LYZL4: variants seen among roughly 807,000 people sequenced by gnomAD.
The protein encoded by LYZL4 is lysozyme-like protein 4.
Under a neutral mutation model 17.6 loss-of-function variants are expected in LYZL4, and 13 were observed. The ratio of observed to expected loss-of-function variants is 0.74; its 90% CI spans 0.48 to 1.18. LYZL4 has a LOEUF of 1.18. Among genes scored for constraint, LYZL4 ranks in the 50% most tolerant of loss-of-function variants. The pLI, the probability that LYZL4 is intolerant of heterozygous loss-of-function variation, is 0.00. For missense variants in LYZL4, 174 were observed against 188.2 expected (o/e 0.92, Z 0.44); for synonymous variants, 64 against 67.7 (o/e 0.95, Z 0.27).
intron 3 of LYZL4, among the ~76,000 whole-genome samples, chr3:42,406,211 T>C (rs1698745112): frequency 1.3e-5 from 2 of 151,954 alleles, no homozygotes; most frequent in Admixed American, 1.3e-4. Context: ...CCTAGCACTT[T>C]GGGAGGCCGA....
rs184704190 is a variant in LYZL4 at position 42,402,194 on chromosome 3, T to C, written c.371+1852A>G. ...GGTGACATGTGCCTGTTGTCCTCACTACTCGGGAGGCTGAGGCAGGAGGAT... is the reference window on the plus strand; with the variant it reads ...GGTGACATGTGCCTGTTGTCCTCACCACTCGGGAGGCTGAGGCAGGAGGAT... On this transcript the variant is annotated intron_variant, in intron 4 of 4. Coordinates refer to ENST00000287748, the MANE Select transcript of LYZL4 (RefSeq NM_144634.4). Among the ~76,000 whole-genome samples, 506 of 148,312 alleles carry C rather than the reference T, an allele frequency of 3.4e-3. 3 individuals are homozygous for C. Among genetic ancestry groups the C allele is most frequent in the African/African-American group, 0.012 (474 of 40,448 alleles).
intron 1 of LYZL4, among the ~76,000 whole-genome samples, chr3:42,408,843 G>A (rs1041099179): frequency 8.5e-5 from 13 of 152,122 alleles, no homozygotes; most frequent in Non-Finnish European, 1.6e-4. Flanking sequence ...GATTGTTTAG[G>A]AGTACACCTG....
At chr3:42,384,833 C>T in the LYZL4 span, among the ~76,000 whole-genome samples, 4 of 152,028 alleles carry the variant, frequency 2.6e-5, no homozygotes, top group African/African-American at 9.7e-5. Flanking sequence ...GCTGGATCTC[C>T]ATCTTCCTGG....
the LYZL4 span, among the ~76,000 whole-genome samples, chr3:42,385,769 C>T: frequency 6.6e-6 from 1 of 152,288 alleles, no homozygotes; most frequent in African/African-American, 2.4e-5. Flanking sequence ...ATACTAACAC[C>T]TGTCTGCTTT....
At chr3:42,383,775 A>T in the LYZL4 span, among the ~76,000 whole-genome samples, 1 of 152,144 alleles carries the variant, frequency 6.6e-6, no homozygotes, top group African/African-American at 2.4e-5. Flanking sequence ...GAAATGAAAA[A>T]TAAATGGAAG....
the LYZL4 span, among the ~76,000 whole-genome samples, chr3:42,366,416 C>A: frequency 5.3e-5 from 8 of 152,148 alleles, no homozygotes; most frequent in Non-Finnish European, 1.0e-4. Context: ...GAGGTTGTGG[C>A]GGCACCAGGC....
downstream of LYZL4, among the ~76,000 whole-genome samples, chr3:42,395,391 G>A (rs990134817): frequency 5.3e-5 from 8 of 152,132 alleles, no homozygotes; most frequent in Admixed American, 2.0e-4. Flanking sequence ...AATGGTGCTA[G>A]GATCCCTGCT....
chr3:42,404,047 A>G lies in LYZL4; in HGVS notation c.370T>C (p.Trp124Arg). ...IVKGKEGMGAWPTWSRYCQYS... is the reference protein window; with the variant it reads ...IVKGKEGMGARPTWSRYCQYS... ...GCTACATAAAAATGTAAGACTTACC[A>G]TGCTCCCATCCCTTCTTTTCCTTTT... The change falls in exon 4 of 5, where the codon TGG (tryptophan) becomes CGG (arginine). Residue 124 changes from tryptophan (W) to arginine (R), a missense_variant and splice_region_variant. By Grantham distance (101) the Trp-to-Arg change is moderately radical. Coordinates refer to ENST00000287748, the MANE Select transcript of LYZL4 (RefSeq NM_144634.4). 6.3e-7 allele frequency: 1 copy of G among 1,599,492 alleles called. No homozygotes were observed. Among genetic ancestry groups the G allele is most frequent in the Non-Finnish European group, 8.6e-7 (1 of 1,167,092 alleles).
At chr3:42,386,851 A>G in the LYZL4 span, among the ~76,000 whole-genome samples, 3 of 152,212 alleles carry the variant, frequency 2.0e-5, no homozygotes, top group Non-Finnish European at 4.4e-5. Flanking sequence ...ATAATCTTAT[A>G]TTGAAGGAAT....
intron 3 of LYZL4, 47 bp from the exon 4 acceptor site, chr3:42,404,171 T>G: frequency 2.3e-6 from 3 of 1,279,144 alleles, no homozygotes; most frequent in Non-Finnish European, 3.4e-6. Flanking sequence ...ATATGACAGT[T>G]AAGTTAGAGT....
intron 4 of LYZL4, among the ~76,000 whole-genome samples, chr3:42,399,015 C>A (rs1698607143): frequency 6.6e-6 from 1 of 152,178 alleles, no homozygotes; most frequent in Non-Finnish European, 1.5e-5. Context: ...AAACCATTAT[C>A]AACCCAATAG....
the LYZL4 span, among the ~76,000 whole-genome samples, chr3:42,386,191 C>T: frequency 1.3e-5 from 2 of 152,096 alleles, no homozygotes; most frequent in African/African-American, 4.8e-5. Context: ...CAACTTCCAC[C>T]TCCCGGGTTC....
the LYZL4 span, among the ~76,000 whole-genome samples, chr3:42,385,993 C>A: frequency 3.9e-5 from 6 of 152,172 alleles, no homozygotes; most frequent in African/African-American, 1.4e-4. Context: ...CTTCTGGAAG[C>A]TCTAGGGGAT....
At chr3:42,373,058 A>C in the LYZL4 span, among the ~76,000 whole-genome samples, 1 of 152,092 alleles carries the variant, frequency 6.6e-6, no homozygotes, top group African/African-American at 2.4e-5. Flanking sequence ...ACCAAAAAAA[A>C]ATTTTAGCAG....
intron 4 of LYZL4, among the ~76,000 whole-genome samples, chr3:42,399,535 C>T (rs1157755687): frequency 6.6e-6 from 1 of 152,050 alleles, no homozygotes; most frequent in African/African-American, 2.4e-5. Context: ...AGTGATAATG[C>T]CAAGATTCAT....
At chr3:42,366,290 T>C in the LYZL4 span, among the ~76,000 whole-genome samples, 1 of 152,156 alleles carries the variant, frequency 6.6e-6, no homozygotes. Context: ...AGAATCCACC[T>C]TGTGAGGCCC....
chr3:42,368,177 T>C, the LYZL4 span, among the ~76,000 whole-genome samples: 1 of 152,236 alleles, frequency 6.6e-6, no homozygotes, highest in Non-Finnish European at 1.5e-5. Flanking sequence ...CCAAACTAGT[T>C]GCTGCGGAGC....
chr3:42,410,408 C>T lies in LYZL4; in HGVS notation c.-93+9G>A, dbSNP rs1362745353. The T allele has an allele frequency of 6.6e-6, 1 of 152,262 alleles. No individual in the cohort carries two copies. Among genetic ancestry groups the T allele is most frequent in the Non-Finnish European group, 1.5e-5 (1 of 68,060 alleles). The allele number at this position is 152,262 out of a possible 1,614,324, so 9.4% of individuals were successfully genotyped here. A position where few individuals can be genotyped will look rare whatever the true frequency, so the allele number is the denominator to read the frequency against. On this transcript the variant is annotated intron_variant, in intron 1 of 4. Coordinates refer to ENST00000287748, the MANE Select transcript of LYZL4 (RefSeq NM_144634.4). Reference sequence around the variant, plus strand: ...CCGTTACCCTCCTGCCCACCATATACCCGCCTACCAGTCCACCAGCCCTTC... The same window carrying T: ...CCGTTACCCTCCTGCCCACCATATATCCGCCTACCAGTCCACCAGCCCTTC...
chr3:42,372,799 G>A, the LYZL4 span, among the ~76,000 whole-genome samples: 1 of 152,206 alleles, frequency 6.6e-6, no homozygotes, highest in Non-Finnish European at 1.5e-5. Context: ...ATTGACATAT[G>A]GGGTCCATGT....
Sources: allele counts gnomAD v4.1 joint callset (sites outside exome capture counted in the v4.1 genomes callset), GRCh38; gene constraint gnomAD v4.1.1; transcripts MANE v1.5; gene names NCBI Gene and HGNC (gene_info 2026-07-23, HGNC 2026-07-21).